The following HECW2 variants were observed in gnomAD, a reference collection of about 807,000 sequenced individuals.
HECW2 encodes HECT, C2 and WW domain containing E3 ubiquitin protein ligase 2, also known as E3 ubiquitin-protein ligase HECW2.
A neutral mutation model predicts 175.2 loss-of-function variants in HECW2; 61 were observed. The ratio of observed to expected loss-of-function variants is 0.35; its 90% CI spans 0.28 to 0.43. HECW2 has a LOEUF of 0.43. Ranked by LOEUF, HECW2 falls within the 20% of genes least tolerant of loss-of-function variation. HECW2 has a pLI of 1.00. For missense variants in HECW2, 1,524 were observed against 2,000.5 expected, an observed-to-expected ratio of 0.76 and a Z score of 4.54; for synonymous variants, 671 against 731.0, an observed-to-expected ratio of 0.92 and a Z score of 1.32.
intron 2 of HECW2, among the ~76,000 whole-genome samples, chr2:196,423,272 T>C (rs568765589): frequency 6.6e-6 from 1 of 152,270 alleles, no homozygotes; most frequent in East Asian, 1.9e-4. Flanking sequence ...CATTTAATTC[T>C]CATAATATTG....
chr2:196,472,331 A>G (rs1238673080), intron 1 of HECW2, among the ~76,000 whole-genome samples: 2 of 151,332 alleles, frequency 1.3e-5, no homozygotes, highest in African/African-American at 4.9e-5. Flanking sequence ...TAAAAATACA[A>G]AAATTTGGGG....
intron 1 of HECW2, among the ~76,000 whole-genome samples, chr2:196,592,255 T>A (rs1691226677): frequency 6.6e-6 from 1 of 152,172 alleles, no homozygotes; most frequent in Non-Finnish European, 1.5e-5. Flanking sequence ...TCCACCTCTA[T>A]CTGTAATGAT....
At chr2:196,569,822 T>C (rs1690322211) in intron 1 of HECW2, among the ~76,000 whole-genome samples, 1 of 152,228 alleles carries the variant, frequency 6.6e-6, no homozygotes, top group African/African-American at 2.4e-5. Context: ...AACACCTATA[T>C]GTGAAGGCAC....
intron 2 of HECW2, among the ~76,000 whole-genome samples, chr2:196,412,781 T>C (rs548046001): frequency 8.5e-5 from 13 of 152,344 alleles, no homozygotes; most frequent in African/African-American, 3.1e-4. Context: ...CTGCCAAAAA[T>C]AGAAAGTAAA....
intron 2 of HECW2, among the ~76,000 whole-genome samples, chr2:196,402,635 A>AG (rs1420852016): frequency 2.6e-5 from 4 of 152,202 alleles, no homozygotes; most frequent in African/African-American, 4.8e-5. Flanking sequence ...ACATTGTCAC[A>AG]GTATACCTTT....
Position 196,310,210 on chromosome 2 carries a change from T to C in HECW2, c.2435-2125A>G, listed in dbSNP as rs79938439. On this transcript the variant is annotated intron_variant, in intron 10 of 28. Transcript: ENST00000644978. The stretch of plus-strand genomic sequence containing the variant: ...ATAGTTCAATAAAGACCTTTCAATG[T>C]GCAATGGGGAGAATAAGAAAACAAG... 3.5e-3 allele frequency among the ~76,000 whole-genome samples: 532 copies of C among 152,326 alleles called. 2 individuals are homozygous for C. Among genetic ancestry groups the C allele is most frequent in the Admixed American group, 5.6e-3 (85 of 15,292 alleles).
At chr2:196,510,189 T>C (rs1559150068) in intron 1 of HECW2, among the ~76,000 whole-genome samples, 1 of 152,262 alleles carries the variant, frequency 6.6e-6, no homozygotes, top group East Asian at 1.9e-4. Context: ...GCAATATGGT[T>C]GCATTCACTC....
At chr2:196,344,829 C>T (rs1692893534) in intron 2 of HECW2, among the ~76,000 whole-genome samples, 1 of 152,108 alleles carries the variant, frequency 6.6e-6, no homozygotes, top group Admixed American at 6.5e-5. Context: ...GTATGAGCTA[C>T]ACTAAAAATG....
At chr2:196,374,452 C>T (rs183470391) in intron 2 of HECW2, among the ~76,000 whole-genome samples, 16 of 152,302 alleles carry the variant, frequency 1.1e-4, no homozygotes, top group African/African-American at 3.4e-4. Flanking sequence ...AATGAACTTG[C>T]ATTACCTTAC....
At chr2:196,501,591 T>G (rs1370711401) in intron 1 of HECW2, among the ~76,000 whole-genome samples, 1 of 152,082 alleles carries the variant, frequency 6.6e-6, no homozygotes, top group Non-Finnish European at 1.5e-5. Context: ...ATTCTCAAAT[T>G]AGAACCAAAA....
intron 6 of HECW2, among the ~76,000 whole-genome samples, chr2:196,323,587 A>C (rs1351040321): frequency 5.9e-5 from 9 of 152,164 alleles, no homozygotes; most frequent in Admixed American, 5.2e-4. Flanking sequence ...TAATGGAAAA[A>C]AGTACTTGCT....
At chr2:196,578,633 G>T (rs532172848) in intron 1 of HECW2, among the ~76,000 whole-genome samples, 1 of 152,130 alleles carries the variant, frequency 6.6e-6, no homozygotes, top group African/African-American at 2.4e-5. Flanking sequence ...AGCATGTACA[G>T]GGAACCTGAA....
chr2:196,307,338 T>C (rs1691306301), intron 11 of HECW2, 105 bp from the exon 12 acceptor site: 1 of 681,244 alleles, frequency 1.5e-6, no homozygotes, highest in Non-Finnish European at 2.5e-6. Context: ...GCTTCAACTA[T>C]TTCCTCCTCC....
chr2:196,460,029 T>C (rs1370282855), intron 1 of HECW2, among the ~76,000 whole-genome samples: 1 of 152,150 alleles, frequency 6.6e-6, no homozygotes, highest in Non-Finnish European at 1.5e-5. Flanking sequence ...CACCCTCCAA[T>C]TGTTTGTTTC....
chr2:196,218,713 C>A (rs1285116809), intron 26 of HECW2, among the ~76,000 whole-genome samples: 1 of 151,992 alleles, frequency 6.6e-6, no homozygotes, highest in East Asian at 1.9e-4. Context: ...AAAAATTCAT[C>A]TCCTGGAAGG....
rs150802425 is a variant in HECW2 at position 196,469,101 on chromosome 2, C to CTGTG, written c.-35-35647_-35-35644dup. ...TATTTTCTATCGCAGGTCACTGAACCTGTGTGTGTGTGTGTGTGCGTGTGT... is the reference window on the plus strand; with the variant it reads ...TATTTTCTATCGCAGGTCACTGAACCTGTGTGTGTGTGTGTGTGTGTGCGTGTGT... On this transcript the variant is annotated intron_variant, in intron 1 of 28. Coordinates refer to ENST00000644978, the MANE Select transcript of HECW2 (RefSeq NM_001348768.2). Among the ~76,000 whole-genome samples, 739 of 130,874 alleles carry CTGTG rather than the reference C, an allele frequency of 5.6e-3. 10 individuals are homozygous for CTGTG. The highest frequency in any genetic ancestry group is 0.018 in the African/African-American group (673 of 37,710). 85.9% of individuals were successfully genotyped at this position (130,874 alleles called of 152,430 possible).
intron 1 of HECW2, among the ~76,000 whole-genome samples, chr2:196,499,761 A>G (rs953112407): frequency 1.3e-5 from 2 of 152,236 alleles, no homozygotes; most frequent in Non-Finnish European, 2.9e-5. Context: ...TTCAGAAAGT[A>G]CTTACTATAA....
rs115896645 is a variant in HECW2 at position 196,381,498 on chromosome 2, T to C, written c.293-37734A>G. On this transcript the variant is annotated intron_variant, in intron 2 of 28. Transcript: ENST00000644978. The stretch of plus-strand genomic sequence containing the variant: ...TTTCAAGCAGGTCACTGGTTTCTCA[T>C]AGCGTCAGGATTATAAAGAAGCAGG... 1.6e-3 allele frequency among the ~76,000 whole-genome samples: 248 copies of C among 152,280 alleles called. 1 individual carries two copies. The highest frequency in any genetic ancestry group is 5.5e-3 in the African/African-American group (229 of 41,542).
At position 196,307,221 on chromosome 2, in the gene HECW2, G is replaced by A; in HGVS notation, c.2598C>T (p.Ile866=). 1 of 1,607,924 alleles carries A rather than the reference G, an allele frequency of 6.2e-7. No homozygotes were observed. The highest frequency in any genetic ancestry group is 1.1e-5 in the South Asian group (1 of 90,982). The part of the protein sequence containing the change: ...MEQLNRRYQS[I]RRTMTNERPE... ...GCCTCTCATTGGTCATGGTTCTGCGGATACTCTGATATCTAAAATCATGAG... is the reference window on the plus strand; with the variant it reads ...GCCTCTCATTGGTCATGGTTCTGCGAATACTCTGATATCTAAAATCATGAG... The change falls in exon 12 of 29, where the codon ATC becomes ATT. Residue 866 remains isoleucine (I), a synonymous_variant. Transcript: ENST00000644978.
Sources: allele counts gnomAD v4.1 joint callset (sites outside exome capture counted in the v4.1 genomes callset), GRCh38; gene constraint gnomAD v4.1.1; transcripts MANE v1.5; gene names NCBI Gene and HGNC (gene_info 2026-07-23, HGNC 2026-07-21).